The following SMOC1 variants were observed in gnomAD, a reference collection of about 807,000 sequenced individuals.
The protein encoded by SMOC1 is SPARC related modular calcium binding 1.
In SMOC1, 22 loss-of-function variants were observed where a neutral mutation model predicts 56.3. That is an observed-to-expected ratio of 0.39 (90% CI 0.28 to 0.56). SMOC1 has a LOEUF of 0.56. Ranked by LOEUF, SMOC1 falls within the 20% of genes least tolerant of loss-of-function variation. The pLI is 0.61. For synonymous variants in SMOC1, 193 were observed against 215.0 expected, an observed-to-expected ratio of 0.90 and a Z score of 0.89; for missense variants, 509 against 565.4, an observed-to-expected ratio of 0.90 and a Z score of 1.01.
chr14:69,950,938 G>A (rs1882973593), intron 1 of SMOC1, among the ~76,000 whole-genome samples: 2 of 152,158 alleles, frequency 1.3e-5, no homozygotes, highest in Admixed American at 6.5e-5. Flanking sequence ...GGTTAACTGG[G>A]CTCAGCTGGG....
chr14:69,952,196 A>C lies in SMOC1; in HGVS notation c.158A>C (p.Lys53Thr). The C allele has an allele frequency of 6.2e-7, 1 of 1,614,128 alleles. No homozygotes were observed. Among genetic ancestry groups the C allele is most frequent in the African/African-American group, 1.3e-5 (1 of 75,014 alleles). ...CNLHCSRTQP[K>T]PICASDGRSY... ...CTCCACTGCTCCAGGACTCAACCCA[A>C]ACCCATCTGTGCCTCTGATGGCAGG... The change falls in exon 2 of 12, where the codon AAA (lysine) becomes ACA (threonine). Residue 53 changes from lysine to threonine, a missense_variant. By Grantham distance (78) the Lys-to-Thr change is moderately conservative. Around this residue, in one of 3 missense-constraint regions of SMOC1, gnomAD observed 315 missense variants for 333.1 expected, o/e 0.95. Coordinates refer to ENST00000361956, the MANE Select transcript of SMOC1 (RefSeq NM_001034852.3).
At chr14:69,902,647 C>T (rs367651419) in intron 1 of SMOC1, among the ~76,000 whole-genome samples, 81 of 152,332 alleles carry the variant, frequency 5.3e-4, no homozygotes, top group African/African-American at 1.7e-3. Context: ...TCTCTTTCCA[C>T]GGTCTCCCTC....
intron 1 of SMOC1, chr14:69,886,003 C>G: frequency 1.3e-6 from 2 of 1,586,098 alleles, no homozygotes; most frequent in South Asian, 2.2e-5. Context: ...CTCTTTTGGG[C>G]TGGATGTCCT....
chr14:69,948,300 T>C (rs947270847), intron 1 of SMOC1, among the ~76,000 whole-genome samples: 5 of 152,220 alleles, frequency 3.3e-5, no homozygotes, highest in Non-Finnish European at 5.9e-5. Context: ...CCATAATTGA[T>C]TGAAGATTGT....
At chr14:70,011,455 C>G (rs763879465) in intron 8 of SMOC1, 30 bp from the exon 9 acceptor site, 1 of 1,335,208 alleles carries the variant, frequency 7.5e-7, no homozygotes, top group African/African-American at 1.5e-5. Flanking sequence ...CCAGCCCCTC[C>G]CAACCCCCCC....
chr14:69,929,011 G>C (rs536354900), intron 1 of SMOC1, among the ~76,000 whole-genome samples: 52 of 152,310 alleles, frequency 3.4e-4, no homozygotes, highest in African/African-American at 1.2e-3. Flanking sequence ...TCTCTGGAGG[G>C]TCCTGATCCC....
intron 10 of SMOC1, among the ~76,000 whole-genome samples, chr14:70,019,311 C>T (rs1282891720): frequency 6.6e-6 from 1 of 152,194 alleles, no homozygotes; most frequent in African/African-American, 2.4e-5. Flanking sequence ...GAACCATAGT[C>T]TTCTAAAATC....
intron 1 of SMOC1, among the ~76,000 whole-genome samples, chr14:69,881,752 T>C (rs1291131937): frequency 6.6e-6 from 1 of 152,186 alleles, no homozygotes; most frequent in African/African-American, 2.4e-5. Flanking sequence ...CTCGAGCATG[T>C]GGTTACCTGG....
intron 3 of SMOC1, among the ~76,000 whole-genome samples, chr14:69,964,262 T>C (rs1056077601): frequency 2.7e-5 from 4 of 150,898 alleles, no homozygotes; most frequent in African/African-American, 9.7e-5. Context: ...TCTTCTGCAA[T>C]GCAGTGTGCT....
At chr14:69,982,875 T>C (rs754302324) in intron 5 of SMOC1, among the ~76,000 whole-genome samples, 1 of 152,202 alleles carries the variant, frequency 6.6e-6, no homozygotes, top group Non-Finnish European at 1.5e-5. Flanking sequence ...AAGGATTCTC[T>C]CTGATTCTGT....
At chr14:69,916,869 T>A (rs1192342386) in intron 1 of SMOC1, among the ~76,000 whole-genome samples, 1 of 152,238 alleles carries the variant, frequency 6.6e-6, no homozygotes, top group Admixed American at 6.5e-5. Context: ...CAGTTGGTTC[T>A]GTCCTCCTGC....
At position 69,890,101 on chromosome 14, in the gene SMOC1, A is replaced by G. The variant is rs1343065035; in HGVS notation, c.99+10324A>G. On this transcript the variant is annotated intron_variant, in intron 1 of 11. Coordinates refer to ENST00000361956, the MANE Select transcript of SMOC1 (RefSeq NM_001034852.3). ...CTACCACATTCATTAAGGGCCTGGT[A>G]CAGTGCCTGGCTCATAGAAAGTGCT... Among the ~76,000 whole-genome samples the G allele has an allele frequency of 2.0e-5, 3 of 152,306 alleles. No homozygotes were observed. The East Asian group carries it at 5.8e-4, about 29-fold the overall frequency.
chr14:69,935,538 T>A (rs1000638028), intron 1 of SMOC1, among the ~76,000 whole-genome samples: 3 of 152,210 alleles, frequency 2.0e-5, no homozygotes, highest in African/African-American at 4.8e-5. Flanking sequence ...CTCTTCCAGC[T>A]AGTTTGCTGG....
intron 1 of SMOC1, among the ~76,000 whole-genome samples, chr14:69,931,736 A>G (rs911383022): frequency 6.6e-6 from 1 of 152,242 alleles, no homozygotes; most frequent in Non-Finnish European, 1.5e-5. Flanking sequence ...CCTGAAAATC[A>G]GGGGATGTGG....
chr14:69,895,983 A>G (rs553514046), intron 1 of SMOC1, among the ~76,000 whole-genome samples: 1 of 151,348 alleles, frequency 6.6e-6, no homozygotes, highest in East Asian at 1.9e-4. Context: ...GAGTAGCTTG[A>G]ACTAAGATGT....
intron 7 of SMOC1, among the ~76,000 whole-genome samples, chr14:70,004,906 C>G (rs376988286): frequency 2.6e-5 from 4 of 152,328 alleles, no homozygotes; most frequent in Middle Eastern, 3.4e-3. Flanking sequence ...CCCGTCTCCC[C>G]CTTTGACCTC....
chr14:70,013,297 T>G, intron 9 of SMOC1, 89 bp from the exon 10 acceptor site: 4 of 1,183,280 alleles, frequency 3.4e-6, no homozygotes, highest in Non-Finnish European at 5.0e-6. Context: ...AGAAGGGCTT[T>G]GAGAAGTTTA....
intron 3 of SMOC1, among the ~76,000 whole-genome samples, chr14:69,960,487 A>G (rs1883331149): frequency 6.6e-6 from 1 of 151,818 alleles, no homozygotes; most frequent in Non-Finnish European, 1.5e-5. Flanking sequence ...TTTTTTTTTT[A>G]AAGCAGTCAT....
intron 11 of SMOC1, among the ~76,000 whole-genome samples, chr14:70,025,356 C>A (rs1008224922): frequency 2.0e-5 from 3 of 152,188 alleles, no homozygotes; most frequent in Non-Finnish European, 4.4e-5. Context: ...GATGGGTTCC[C>A]ATAGGAACCT....
Sources: allele counts gnomAD v4.1 joint callset (sites outside exome capture counted in the v4.1 genomes callset), GRCh38; gene constraint gnomAD v4.1.1; regional missense constraint gnomAD v4.1.1; transcripts MANE v1.5; gene names NCBI Gene and HGNC (gene_info 2026-07-23, HGNC 2026-07-21).